Variants in DRD2 observed in about 807,000 individuals in gnomAD.
DRD2 encodes the protein dopamine receptor D2, also known as D(2) dopamine receptor.
DRD2 carries 8 observed loss-of-function variants against 38.0 expected under a neutral mutation model. The observed-to-expected ratio is 0.21, with a 90% CI of 0.12 to 0.38. DRD2 has a LOEUF of 0.38. Among genes scored for constraint, DRD2 ranks in the 10% least tolerant of loss-of-function variants. The pLI is 1.00. For synonymous variants in DRD2, 230 were observed against 238.6 expected (o/e 0.96, Z 0.33); for missense variants, 403 against 607.7 (o/e 0.66, Z 3.54).
chr11:113,455,145 G>C (rs530428452), intron 1 of DRD2, among the ~76,000 whole-genome samples: 1 of 152,008 alleles, frequency 6.6e-6, no homozygotes, highest in African/African-American at 2.4e-5. Context: ...TCAGGAGTTC[G>C]AGACCATCTT....
rs370009419 is a variant in DRD2, at chr11:113,454,347, G to A, written c.-32+20729C>T. On this transcript the variant is annotated intron_variant, in intron 1 of 7. Transcript: ENST00000362072. ...AGCCTGGGCAATAGAGTGAGACTCC[G>A]TCATGGAAAAATAATAATTATTATA... is the stretch of plus-strand genomic sequence containing the variant. Among the ~76,000 whole-genome samples the A allele has an allele frequency of 1.8e-4, 28 of 151,962 alleles. 1 individual carries two copies. The highest frequency in any genetic ancestry group is 2.6e-4 in the Admixed American group (4 of 15,248).
intron 1 of DRD2, among the ~76,000 whole-genome samples, chr11:113,446,550 A>G (rs1951151332): frequency 6.6e-6 from 1 of 152,224 alleles, no homozygotes; most frequent in African/African-American, 2.4e-5. Context: ...AGGAAGTGGC[A>G]GTGGAGGATG....
At chr11:113,421,388 A>G (rs1270500591) in intron 2 of DRD2, among the ~76,000 whole-genome samples, 1 of 152,178 alleles carries the variant, frequency 6.6e-6, no homozygotes, top group African/African-American at 2.4e-5. Flanking sequence ...GTGCTCAGTC[A>G]GTGCTGACTG....
intron 1 of DRD2, among the ~76,000 whole-genome samples, chr11:113,468,183 C>A (rs911359694): frequency 6.6e-6 from 1 of 152,142 alleles, no homozygotes; most frequent in African/African-American, 2.4e-5. Context: ...CAGGTGAGAA[C>A]CCCCAGGTGA....
intron 1 of DRD2, among the ~76,000 whole-genome samples, chr11:113,451,787 C>T (rs1258513683): frequency 2.0e-5 from 3 of 152,162 alleles, no homozygotes; most frequent in South Asian, 2.1e-4. Flanking sequence ...CTCTCTTAAA[C>T]CCAGCTTTGT....
At chr11:113,443,635 C>T (rs1376507863) in intron 1 of DRD2, among the ~76,000 whole-genome samples, 1 of 152,336 alleles carries the variant, frequency 6.6e-6, no homozygotes, top group Admixed American at 6.5e-5. Context: ...GGAGAGCTGT[C>T]AGCTCGCCAG....
chr11:113,416,711 G>A (rs1950831031), intron 4 of DRD2, 152 bp downstream of exon 4: 3 of 1,183,444 alleles, frequency 2.5e-6, no homozygotes, highest in Non-Finnish European at 2.4e-6. Flanking sequence ...GCTTGGCCCA[G>A]GACACGTAGC....
intron 1 of DRD2, among the ~76,000 whole-genome samples, chr11:113,431,454 G>C (rs574571693): frequency 1.3e-5 from 2 of 152,208 alleles, no homozygotes; most frequent in African/African-American, 4.8e-5. Flanking sequence ...GACTGCATTT[G>C]TGTGGTGACC....
At chr11:113,459,889 T>G (rs1399867779) in intron 1 of DRD2, among the ~76,000 whole-genome samples, 1 of 152,252 alleles carries the variant, frequency 6.6e-6, no homozygotes, top group Non-Finnish European at 1.5e-5. Context: ...AATTGTCACA[T>G]GTACCTCCAA....
chr11:113,458,657 G>T (rs935424862), intron 1 of DRD2, among the ~76,000 whole-genome samples: 1 of 152,214 alleles, frequency 6.6e-6, no homozygotes, highest in Non-Finnish European at 1.5e-5. Context: ...GTGTGTGTGT[G>T]CATGTGTGTG....
chr11:113,468,064 T>G (rs116106497), intron 1 of DRD2, among the ~76,000 whole-genome samples: 121 of 152,372 alleles, frequency 7.9e-4, no homozygotes, highest in African/African-American at 2.6e-3. Flanking sequence ...ATCATTACAG[T>G]TAACATTTAA....
chr11:113,474,278 G>T (rs1951456899), intron 1 of DRD2: 1 of 152,282 alleles, frequency 6.6e-6, no homozygotes, highest in South Asian at 2.1e-4. Flanking sequence ...CTCAGACAGG[G>T]ATAGGGAAGC....
At chr11:113,440,013 C>T (rs1424332700) in intron 1 of DRD2, among the ~76,000 whole-genome samples, 1 of 152,098 alleles carries the variant, frequency 6.6e-6, no homozygotes, top group Non-Finnish European at 1.5e-5. Context: ...CTGGAAAGGG[C>T]TCAATCCTTG....
At position 113,424,680 on chromosome 11, in the gene DRD2, G is replaced by A; in HGVS notation, c.-29C>T. ...GGCGGTGGAGCCACTGGGTGGCCAGGCTCTGGCCAGGAAAAATGGACACAA... is the reference window on the plus strand; with the variant it reads ...GGCGGTGGAGCCACTGGGTGGCCAGACTCTGGCCAGGAAAAATGGACACAA... On this transcript the variant is annotated splice_region_variant and 5_prime_UTR_variant, in exon 2 of 8. Coordinates refer to ENST00000362072, the MANE Select transcript of DRD2 (RefSeq NM_000795.4). 1 of 1,613,364 alleles carries A rather than the reference G, an allele frequency of 6.2e-7. No individual in the cohort carries two copies. The highest frequency in any genetic ancestry group is 1.7e-5 in the Admixed American group (1 of 60,024).
At chr11:113,462,560 A>T (rs375074840) in intron 1 of DRD2, among the ~76,000 whole-genome samples, 1 of 152,192 alleles carries the variant, frequency 6.6e-6, no homozygotes, top group East Asian at 1.9e-4. Context: ...GAGCTGGAAG[A>T]GACAAGACAG....
chr11:113,415,370 G>T, intron 5 of DRD2, 51 bp downstream of exon 5: 1 of 1,561,736 alleles, frequency 6.4e-7, no homozygotes, highest in Non-Finnish European at 8.7e-7. Context: ...GAGCCCTCTT[G>T]GTAATGGTTA....
intron 1 of DRD2, among the ~76,000 whole-genome samples, chr11:113,444,630 C>CAA (rs1951126445): frequency 2.0e-5 from 3 of 152,220 alleles, no homozygotes; most frequent in Admixed American, 2.0e-4. Flanking sequence ...GTCTTTTACA[C>CAA]TCCATGGGCC....
intron 1 of DRD2, among the ~76,000 whole-genome samples, chr11:113,469,852 A>T (rs1333543180): frequency 6.7e-6 from 1 of 150,284 alleles, no homozygotes; most frequent in East Asian, 1.9e-4. Flanking sequence ...AAATGAAAAT[A>T]ATAAATAAAT....
At chr11:113,468,637 T>A (rs1014362781) in intron 1 of DRD2, among the ~76,000 whole-genome samples, 2 of 152,136 alleles carry the variant, frequency 1.3e-5, no homozygotes, top group Non-Finnish European at 2.9e-5. Context: ...AACCTCTACC[T>A]CCCAGGTTCA....
Sources: allele counts gnomAD v4.1 joint callset (sites outside exome capture counted in the v4.1 genomes callset), GRCh38; gene constraint gnomAD v4.1.1; transcripts MANE v1.5; gene names NCBI Gene and HGNC (gene_info 2026-07-23, HGNC 2026-07-21).